Variants in FRAS1 observed in about 807,000 individuals in gnomAD.
The protein encoded by FRAS1 is Fraser extracellular matrix complex subunit 1.
A neutral mutation model predicts 435.2 loss-of-function variants in FRAS1; 290 were observed. That is an observed-to-expected ratio of 0.67 (90% CI 0.61 to 0.73). The LOEUF is 0.73. Among genes scored for constraint, FRAS1 ranks in the 30% least tolerant of loss-of-function variants. The pLI is 0.00. For missense variants in FRAS1, 4,860 were observed against 5,001.5 expected (o/e 0.97, Z 0.85); for synonymous variants, 1,800 against 1,851.0 (o/e 0.97, Z 0.71).
Position 78,265,040 on chromosome 4 carries a change from C to A in FRAS1, c.619C>A (p.Arg207=). The part of the protein sequence containing the change: ...LFCNQDETVV[R]VPGKCCPQCS... ...GCGTGTTAAGGATGAGACTGTAGTCCGAGTCCCTGGAAAATGTTGCCCGCA... is the reference window on the plus strand; with the variant it reads ...GCGTGTTAAGGATGAGACTGTAGTCAGAGTCCCTGGAAAATGTTGCCCGCA... Residue 207 remains arginine (R), a synonymous_variant, in exon 7 of 74, where the codon CGA becomes AGA. Coordinates refer to ENST00000512123, the MANE Select transcript of FRAS1 (RefSeq NM_025074.7). The A allele has an allele frequency of 6.2e-7, 1 of 1,609,494 alleles. No individual in the cohort carries two copies.
At chr4:78,399,891 C>T (rs1732814113) in intron 29 of FRAS1, among the ~76,000 whole-genome samples, 1 of 152,206 alleles carries the variant, frequency 6.6e-6, no homozygotes, top group African/African-American at 2.4e-5. Context: ...TAGATCTGAT[C>T]ATCCCATTTT....
intron 37 of FRAS1, 95 bp downstream of exon 37, chr4:78,430,512 C>T: frequency 7.8e-7 from 1 of 1,274,858 alleles, no homozygotes; most frequent in East Asian, 2.5e-5. Flanking sequence ...AGCAAAGCGT[C>T]TTTGTGATAC....
Position 78,367,043 on chromosome 4 carries a change from A to G in FRAS1, c.2723-2795A>G, listed in dbSNP as rs915646837. On this transcript the variant is annotated intron_variant, in intron 22 of 73. Coordinates refer to ENST00000512123, the MANE Select transcript of FRAS1 (RefSeq NM_025074.7). ...AATTCAAAATGCTCAGCATGAATCCATTTCTTTTAGAAGTGAGTGAAGGTG... is the reference window on the plus strand; with the variant it reads ...AATTCAAAATGCTCAGCATGAATCCGTTTCTTTTAGAAGTGAGTGAAGGTG... 1.6e-4 allele frequency among the ~76,000 whole-genome samples: 24 copies of G among 152,164 alleles called. 1 individual carries two copies. The highest frequency in any genetic ancestry group is 8.8e-5 in the Non-Finnish European group (6 of 68,038).
At chr4:78,249,479 C>T (rs1316814546) in intron 4 of FRAS1, among the ~76,000 whole-genome samples, 1 of 151,832 alleles carries the variant, frequency 6.6e-6, no homozygotes, top group African/African-American at 2.4e-5. Context: ...ACCGCCACCA[C>T]ACCCAGCTAA....
At chr4:78,324,731 T>TTTTTTTTTC (rs1491139973) in intron 18 of FRAS1, among the ~76,000 whole-genome samples, 1 of 119,354 alleles carries the variant, frequency 8.4e-6, no homozygotes, top group African/African-American at 3.1e-5. Flanking sequence ...TTTTTTTTTT[T>TTTTTTTTTC]CTGCATGTCA....
intron 2 of FRAS1, among the ~76,000 whole-genome samples, chr4:78,113,504 T>C (rs1051194351): frequency 2.6e-5 from 4 of 152,184 alleles, no homozygotes; most frequent in African/African-American, 7.2e-5. Flanking sequence ...TTCCTGACTT[T>C]TTAATGATCG....
intron 2 of FRAS1, among the ~76,000 whole-genome samples, chr4:78,091,344 C>T (rs1049548619): frequency 5.9e-5 from 9 of 152,064 alleles, no homozygotes; most frequent in Admixed American, 5.2e-4. Context: ...CCTCCTGTCC[C>T]GTGCCCCTCA....
chr4:78,105,413 T>G (rs1742354404), intron 2 of FRAS1, among the ~76,000 whole-genome samples: 1 of 152,164 alleles, frequency 6.6e-6, no homozygotes, highest in South Asian at 2.1e-4. Context: ...TTTTTCTCTC[T>G]CAATATAACT....
intron 1 of FRAS1, among the ~76,000 whole-genome samples, chr4:78,060,260 A>C (rs1022512035): frequency 2.0e-5 from 3 of 152,222 alleles, no homozygotes; most frequent in Non-Finnish European, 4.4e-5. Flanking sequence ...TTCTTTAAAA[A>C]ATAAGAGCAT....
chr4:78,370,467 T>C (rs1465699753), intron 23 of FRAS1, among the ~76,000 whole-genome samples: 1 of 152,240 alleles, frequency 6.6e-6, no homozygotes, highest in Non-Finnish European at 1.5e-5. Context: ...ATCCTGACAG[T>C]GCAACCGTAG....
intron 2 of FRAS1, among the ~76,000 whole-genome samples, chr4:78,195,649 G>A (rs895993616): frequency 6.6e-6 from 1 of 152,120 alleles, no homozygotes; most frequent in Non-Finnish European, 1.5e-5. Context: ...GGAGTGACCC[G>A]ATTTTCCAGG....
chr4:78,413,678 T>C (rs939750248), intron 32 of FRAS1, among the ~76,000 whole-genome samples: 1 of 152,120 alleles, frequency 6.6e-6, no homozygotes, highest in Non-Finnish European at 1.5e-5. Context: ...GTTGCTAAAT[T>C]GCAAACAGTT....
intron 70 of FRAS1, 35 bp from the exon 71 acceptor site, chr4:78,534,414 C>A: frequency 1.3e-6 from 2 of 1,592,498 alleles, no homozygotes; most frequent in Non-Finnish European, 1.7e-6. Context: ...GCTGACCCTG[C>A]TCTCAAAGAG....
At chr4:78,388,402 T>C (rs1732311997) in intron 29 of FRAS1, among the ~76,000 whole-genome samples, 1 of 151,268 alleles carries the variant, frequency 6.6e-6, no homozygotes, top group African/African-American at 2.4e-5. Context: ...TCTGAATGAC[T>C]CAAAAACGTT....
At chr4:78,294,960 T>A (rs1203866816) in intron 14 of FRAS1, among the ~76,000 whole-genome samples, 1 of 152,228 alleles carries the variant, frequency 6.6e-6, no homozygotes, top group Non-Finnish European at 1.5e-5. Flanking sequence ...TTGGTGTATG[T>A]CTTCCTAATT....
intron 41 of FRAS1, among the ~76,000 whole-genome samples, chr4:78,442,507 G>T (rs2109827546): frequency 6.6e-6 from 1 of 152,334 alleles, no homozygotes; most frequent in South Asian, 2.1e-4. Flanking sequence ...GGCCTTTCTT[G>T]CAGAAGGAAG....
intron 2 of FRAS1, among the ~76,000 whole-genome samples, chr4:78,151,663 C>T (rs1042315277): frequency 6.6e-6 from 1 of 152,162 alleles, no homozygotes; most frequent in African/African-American, 2.4e-5. Flanking sequence ...GTGCTATTAT[C>T]TACTTGCAGG....
chr4:78,432,573 C>A lies in FRAS1; in HGVS notation c.5186C>A (p.Ala1729Asp). The A allele has an allele frequency of 6.2e-7, 1 of 1,607,056 alleles. No homozygotes were observed. ...LSITVASKST[A>D]IITRSHLAYV... Reference sequence around the variant, plus strand: ...ATTACTGTTGCCAGTAAAAGCACAGCCATAATCACTAGGTCACACCTTGCT... The same window carrying A: ...ATTACTGTTGCCAGTAAAAGCACAGACATAATCACTAGGTCACACCTTGCT... The change falls in exon 38 of 74, where the codon GCC becomes GAC. Residue 1729 changes from alanine to aspartate, a missense_variant. Coordinates refer to ENST00000512123, the MANE Select transcript of FRAS1 (RefSeq NM_025074.7).
At chr4:78,356,147 C>T (rs747497788) in intron 20 of FRAS1, among the ~76,000 whole-genome samples, 2 of 152,176 alleles carry the variant, frequency 1.3e-5, no homozygotes, top group Admixed American at 6.5e-5. Context: ...TGGCTGGCCA[C>T]GGGGGTAGTT....
Sources: allele counts gnomAD v4.1 joint callset (sites outside exome capture counted in the v4.1 genomes callset), GRCh38; gene constraint gnomAD v4.1.1; transcripts MANE v1.5; gene names NCBI Gene and HGNC (gene_info 2026-07-23, HGNC 2026-07-21).